SNCAIP: variants seen among roughly 807,000 people sequenced by gnomAD.
SNCAIP encodes synuclein alpha interacting protein, also known as synphilin-1.
In SNCAIP, 43 loss-of-function variants were observed where a neutral mutation model predicts 86.7. The ratio of observed to expected loss-of-function variants is 0.50; its 90% confidence interval spans 0.39 to 0.64. SNCAIP has a LOEUF of 0.64. Among genes scored for constraint, SNCAIP ranks in the 30% least tolerant of loss-of-function variants. SNCAIP has a pLI of 0.00. For synonymous variants in SNCAIP, 417 were observed against 427.2 expected (o/e 0.98, Z 0.29); for missense variants, 981 against 1,103.1 (o/e 0.89, Z 1.57).
At position 122,451,185 on chromosome 5, in the gene SNCAIP, C is replaced by A; in HGVS notation, c.2338C>A (p.Gln780Lys). The A allele has an allele frequency of 6.2e-7, 1 of 1,614,148 alleles. No individual in the cohort carries two copies. The highest frequency in any genetic ancestry group is 8.5e-7 in the Non-Finnish European group (1 of 1,180,008). ...PPNQPSGDPQ[Q>K]PSPDSTAAQK... ...AAACCAGCCCTCTGGTGACCCTCAG[C>A]AGCCCAGCCCTGACAGTACTGCTGC... Residue 780 changes from glutamine to lysine, a missense_variant, in exon 10 of 11, where the codon CAG (glutamine) becomes AAG (lysine). Transcript: ENST00000261368.
intron 1 of SNCAIP, among the ~76,000 whole-genome samples, chr5:122,356,381 G>C (rs960558796): frequency 3.3e-5 from 5 of 152,074 alleles, no homozygotes; most frequent in Non-Finnish European, 7.4e-5. Flanking sequence ...GCCTCCCAAA[G>C]TGTTGGGATG....
intron 1 of SNCAIP, among the ~76,000 whole-genome samples, chr5:122,313,770 T>G (rs199798869): frequency 1.3e-5 from 2 of 152,210 alleles, no homozygotes; most frequent in East Asian, 3.9e-4. Context: ...ATTTCGGTAC[T>G]GATCGCGGAA....
intron 1 of SNCAIP, among the ~76,000 whole-genome samples, chr5:122,369,092 C>A (rs1763759538): frequency 6.6e-6 from 1 of 152,176 alleles, no homozygotes; most frequent in South Asian, 2.1e-4. Context: ...CCACACTGAT[C>A]TTCATTAAAA....
At chr5:122,400,883 A>G in intron 2 of SNCAIP, 1 of 1,193,458 alleles carries the variant, frequency 8.4e-7, no homozygotes, top group Non-Finnish European at 1.1e-6. Flanking sequence ...GTTCACTGGG[A>G]ATAACCTCTG....
chr5:122,450,467 T>C, intron 9 of SNCAIP, 66 bp from the exon 10 acceptor site: 2 of 1,030,678 alleles, frequency 1.9e-6, no homozygotes, highest in Non-Finnish European at 3.1e-6. Context: ...GTAAAGACCA[T>C]GTAGTGACTT....
intron 1 of SNCAIP, among the ~76,000 whole-genome samples, chr5:122,340,113 A>T (rs1168532556): frequency 6.6e-6 from 1 of 152,348 alleles, no homozygotes; most frequent in African/African-American, 2.4e-5. Flanking sequence ...AGAATAAGAC[A>T]TTATACAAAA....
At chr5:122,422,792 C>T in intron 3 of SNCAIP, 76 bp from the exon 4 acceptor site, 2 of 1,207,494 alleles carry the variant, frequency 1.7e-6, no homozygotes, top group Non-Finnish European at 2.5e-6. Context: ...TGTGAATGAA[C>T]CACATCTACC....
intron 2 of SNCAIP, among the ~76,000 whole-genome samples, chr5:122,393,083 G>A (rs77662827): frequency 0.024 from 3,636 of 152,264 alleles, 136 homozygotes; most frequent in African/African-American, 0.083. Flanking sequence ...TTATGCAATA[G>A]TTGAGTGTCT....
At chr5:122,380,381 G>A (rs1766436676) in intron 1 of SNCAIP, among the ~76,000 whole-genome samples, 1 of 152,042 alleles carries the variant, frequency 6.6e-6, no homozygotes, top group Non-Finnish European at 1.5e-5. Context: ...GGGATCAGTG[G>A]TGATATCCCC....
intron 1 of SNCAIP, among the ~76,000 whole-genome samples, chr5:122,354,742 A>G (rs2152751222): frequency 6.6e-6 from 1 of 152,350 alleles, no homozygotes; most frequent in East Asian, 1.9e-4. Context: ...GCAGTAAATG[A>G]AACATCCCTT....
chr5:122,379,853 C>T (rs1460757170), intron 1 of SNCAIP, among the ~76,000 whole-genome samples: 20 of 151,178 alleles, frequency 1.3e-4, no homozygotes, highest in Non-Finnish European at 2.8e-4. Flanking sequence ...TATTGATTTG[C>T]GTATATTGAA....
intron 1 of SNCAIP, among the ~76,000 whole-genome samples, chr5:122,350,792 G>T (rs933532112): frequency 6.6e-6 from 1 of 152,188 alleles, no homozygotes; most frequent in African/African-American, 2.4e-5. Context: ...CAAATGGGAA[G>T]ATGGAATGAA....
intron 1 of SNCAIP, among the ~76,000 whole-genome samples, chr5:122,363,946 C>T (rs13177355): frequency 2.0e-5 from 3 of 151,968 alleles, no homozygotes; most frequent in African/African-American, 7.3e-5. Flanking sequence ...CCTCAGCCTC[C>T]TAAGTAGCTG....
chr5:122,384,633 T>C (rs1344667678), intron 1 of SNCAIP, among the ~76,000 whole-genome samples: 5 of 152,224 alleles, frequency 3.3e-5, no homozygotes, highest in Non-Finnish European at 2.9e-5. Flanking sequence ...TCCTAAATCT[T>C]GATACAAAGT....
Position 122,450,764 on chromosome 5 carries a change from C to A in SNCAIP, c.1917C>A (p.Ser639=), listed in dbSNP as rs780534859. The change falls in exon 10 of 11, where the codon TCC becomes TCA. Residue 639 remains serine, a synonymous_variant. Transcript: ENST00000261368. Reference sequence around the variant, plus strand: ...ATGTCTGCACCCAGGAAAAACTGTCCTTGGAATTCCAGGATGCTCAGGCTT... The same window carrying A: ...ATGTCTGCACCCAGGAAAAACTGTCATTGGAATTCCAGGATGCTCAGGCTT... The part of the protein sequence containing the change: ...SENVCTQEKL[S]LEFQDAQASS... 6.2e-7 allele frequency: 1 copy of A among 1,613,954 alleles called. No homozygotes were observed. Among genetic ancestry groups the A allele is most frequent in the African/African-American group, 1.3e-5 (1 of 74,910 alleles).
chr5:122,350,687 C>T (rs185659183), intron 1 of SNCAIP, among the ~76,000 whole-genome samples: 2 of 152,204 alleles, frequency 1.3e-5, no homozygotes, highest in Admixed American at 6.5e-5. Flanking sequence ...GGCATGAAGC[C>T]TGGAGGTCAC....
At chr5:122,326,184 G>T (rs918360340) in intron 1 of SNCAIP, among the ~76,000 whole-genome samples, 1 of 152,152 alleles carries the variant, frequency 6.6e-6, no homozygotes, top group Non-Finnish European at 1.5e-5. Context: ...CCTTAGGAAT[G>T]AATTTCTTGT....
intron 5 of SNCAIP, among the ~76,000 whole-genome samples, chr5:122,431,368 G>T (rs180859586): frequency 1.1e-4 from 17 of 152,192 alleles, no homozygotes; most frequent in Admixed American, 7.9e-4. Context: ...TAAGTTATTG[G>T]ATAAATAAAT....
At chr5:122,462,527 G>A (rs1786629606) in intron 10 of SNCAIP, among the ~76,000 whole-genome samples, 1 of 151,886 alleles carries the variant, frequency 6.6e-6, no homozygotes, top group Non-Finnish European at 1.5e-5. Context: ...CTTGCCCATG[G>A]ACAGCTCTCT....
Sources: gnomAD v4.1 joint callset for allele counts (sites outside exome capture counted in the v4.1 genomes callset) on GRCh38, gnomAD v4.1.1 for gene constraint, MANE v1.5 for transcripts, NCBI Gene and HGNC (gene_info 2026-07-23, HGNC 2026-07-21) for gene names.